Variants in AHI1 observed in about 807,000 individuals in gnomAD.
AHI1 encodes the protein jouberin.
Under a neutral mutation model 149.3 loss-of-function variants are expected in AHI1, and 123 were observed. The observed-to-expected ratio is 0.82, with a 90% CI of 0.71 to 0.96. The LOEUF is 0.96. Ranked by LOEUF, AHI1 falls within the 40% of genes least tolerant of loss-of-function variation. AHI1 has a pLI of 0.00. For synonymous variants in AHI1, 475 were observed against 459.8 expected (o/e 1.03, Z -0.42); for missense variants, 1,439 against 1,422.7 (o/e 1.01, Z -0.18).
intron 22 of AHI1, among the ~76,000 whole-genome samples, chr6:135,397,385 CA>C (rs1455801968): frequency 6.6e-6 from 1 of 151,976 alleles, no homozygotes; most frequent in Non-Finnish European, 1.5e-5. Flanking sequence ...GTCTACCCTA[CA>C]CCAATCTACC....
chr6:135,405,048 A>C lies in AHI1; in HGVS notation c.2962-71T>G. On this transcript the variant is annotated intron_variant, in intron 21 of 28. Coordinates refer to ENST00000265602, the MANE Select transcript of AHI1 (RefSeq NM_001134831.2). ...AATATTGACTGTTTGCAAAACACTC[A>C]GATGTTTATCTTCTAATAACCTAAA... 3.1e-6 allele frequency: 4 copies of C among 1,304,736 alleles called. No homozygotes were observed. The South Asian group carries it at 3.7e-5, about 12-fold the overall frequency. The allele number at this position is 1,304,736 out of a possible 1,614,324, so 80.8% of individuals were successfully genotyped here.
intron 27 of AHI1, among the ~76,000 whole-genome samples, chr6:135,290,925 C>A (rs771541524): frequency 2.6e-5 from 4 of 151,442 alleles, no homozygotes; most frequent in Non-Finnish European, 5.9e-5. Flanking sequence ...CACACACACA[C>A]ACACACACAC....
At chr6:135,326,263 G>A (rs939556097) in intron 24 of AHI1, among the ~76,000 whole-genome samples, 1 of 152,076 alleles carries the variant, frequency 6.6e-6, no homozygotes, top group Non-Finnish European at 1.5e-5. Context: ...CATAGGGGTG[G>A]GGCCTGGATT....
rs932616290 is a variant in AHI1, at chr6:135,497,724, G to A, written c.-343C>T. 5.8e-6 allele frequency: 1 copy of A among 171,286 alleles called. No homozygotes were observed. The highest frequency in any genetic ancestry group is 8.4e-5 in the South Asian group (1 of 11,934). 10.6% of individuals were successfully genotyped at this position (171,286 alleles called of 1,614,324 possible). Reference sequence around the variant, plus strand: ...CCCGCCAGCGACCCGTGTCCTGAAAGCAAGCCGCGGCTCTGTGCCGCAGTG... The same window carrying A: ...CCCGCCAGCGACCCGTGTCCTGAAAACAAGCCGCGGCTCTGTGCCGCAGTG... On this transcript the variant is annotated 5_prime_UTR_variant, in exon 1 of 29. Transcript: ENST00000265602.
At chr6:135,368,906 T>C (rs1582863971) in intron 23 of AHI1, among the ~76,000 whole-genome samples, 1 of 152,344 alleles carries the variant, frequency 6.6e-6, no homozygotes, top group Middle Eastern at 3.4e-3. Context: ...CACTCCTCAT[T>C]TGCTCCCTCC....
chr6:135,363,842 G>A (rs1284028519), intron 23 of AHI1, among the ~76,000 whole-genome samples: 16 of 149,838 alleles, frequency 1.1e-4, no homozygotes, highest in South Asian at 2.1e-4. Context: ...AGGCGCGGCC[G>A]GGCAGAGGCG....
chr6:135,313,297 C>A (rs140465083), intron 26 of AHI1, among the ~76,000 whole-genome samples: 8 of 152,306 alleles, frequency 5.3e-5, no homozygotes, highest in South Asian at 2.1e-4. Flanking sequence ...TACTCTAACA[C>A]GTGGATTCAG....
At chr6:135,346,554 T>A (rs1582727310) in intron 24 of AHI1, among the ~76,000 whole-genome samples, 1 of 152,158 alleles carries the variant, frequency 6.6e-6, no homozygotes, top group South Asian at 2.1e-4. Context: ...AGTCTAAGTA[T>A]GGATTATAAA....
At chr6:135,458,216 C>T (rs1415418674) in intron 8 of AHI1, among the ~76,000 whole-genome samples, 1 of 152,148 alleles carries the variant, frequency 6.6e-6, no homozygotes, top group Non-Finnish European at 1.5e-5. Flanking sequence ...AGTCAGAGGT[C>T]AGCTGATGGA....
At chr6:135,380,794 AT>A (rs1171390527) in intron 23 of AHI1, among the ~76,000 whole-genome samples, 157 of 140,334 alleles carry the variant, frequency 1.1e-3, no homozygotes, top group Non-Finnish European at 1.9e-3. Flanking sequence ...GGTGGAAAAC[AT>A]TTTTTGGTCC....
intron 24 of AHI1, among the ~76,000 whole-genome samples, chr6:135,333,297 TACAGAAGC>T (rs1374298176): frequency 6.6e-6 from 1 of 152,226 alleles, no homozygotes; most frequent in Admixed American, 6.5e-5. Context: ...TCCTGAATTG[TACAGAAGC>T]ACATTATTAA....
chr6:135,325,832 C>T lies in AHI1; in HGVS notation c.3166-2508G>A, dbSNP rs1787588215. ...CTTATTTGTCTGGAGCCCTAGGTGG[C>T]TGCTGGGAAGGATTCAGCTTAGGCA... On this transcript the variant is annotated intron_variant, in intron 24 of 28. Coordinates refer to ENST00000265602, the MANE Select transcript of AHI1 (RefSeq NM_001134831.2). Among the ~76,000 whole-genome samples, 3 of 152,160 alleles carry T rather than the reference C, an allele frequency of 2.0e-5. No homozygotes were observed. The South Asian group carries it at 6.2e-4, about 32-fold the overall frequency.
At position 135,403,665 on chromosome 6, in the gene AHI1, G is replaced by A. The variant is rs182117557; in HGVS notation, c.2988+1286C>T. Among the ~76,000 whole-genome samples the A allele has an allele frequency of 3.9e-5, 6 of 152,240 alleles. No individual in the cohort carries two copies. The East Asian group carries it at 1.2e-3, about 29-fold the overall frequency. On this transcript the variant is annotated intron_variant, in intron 22 of 28. Coordinates refer to ENST00000265602, the MANE Select transcript of AHI1 (RefSeq NM_001134831.2). ...GAAAATAAATTGTATTTTTGCCTCTGATTTTATACACAATGAGTACTTCAG... is the reference window on the plus strand; with the variant it reads ...GAAAATAAATTGTATTTTTGCCTCTAATTTTATACACAATGAGTACTTCAG...
At chr6:135,484,033 C>T (rs1372663996) in intron 5 of AHI1, among the ~76,000 whole-genome samples, 136 of 152,110 alleles carry the variant, frequency 8.9e-4, no homozygotes, top group African/African-American at 3.1e-3. Flanking sequence ...ATGGCTGTGG[C>T]CTCACAATCA....
intron 23 of AHI1, among the ~76,000 whole-genome samples, chr6:135,377,530 G>C (rs1488125516): frequency 6.6e-6 from 1 of 151,786 alleles, no homozygotes; most frequent in Non-Finnish European, 1.5e-5. Flanking sequence ...GCCCAGGATG[G>C]AGTGCAGCGG....
intron 23 of AHI1, chr6:135,394,529 GT>G: frequency 2.2e-6 from 1 of 450,994 alleles, no homozygotes; most frequent in Non-Finnish European, 4.0e-6. Flanking sequence ...AAACTCACGT[GT>G]TTTGCTAGTT....
At chr6:135,318,841 A>G (rs1395952166) in intron 25 of AHI1, among the ~76,000 whole-genome samples, 1 of 152,270 alleles carries the variant, frequency 6.6e-6, no homozygotes, top group Admixed American at 6.5e-5. Context: ...GATTTCAGAA[A>G]TGCAGAAGGT....
At chr6:135,458,816 T>C (rs1789398570) in intron 8 of AHI1, among the ~76,000 whole-genome samples, 1 of 152,116 alleles carries the variant, frequency 6.6e-6, no homozygotes, top group Non-Finnish European at 1.5e-5. Context: ...AATGGCTAAG[T>C]GGAAAAGCAC....
At chr6:135,446,518 G>A (rs1329211739) in intron 13 of AHI1, among the ~76,000 whole-genome samples, 1 of 152,166 alleles carries the variant, frequency 6.6e-6, no homozygotes, top group Non-Finnish European at 1.5e-5. Flanking sequence ...GTCTTTGGGA[G>A]GTAATTTGGT....
Sources: gnomAD v4.1 joint callset for allele counts (sites outside exome capture counted in the v4.1 genomes callset) on GRCh38, gnomAD v4.1.1 for gene constraint, MANE v1.5 for transcripts, NCBI Gene and HGNC (gene_info 2026-07-23, HGNC 2026-07-21) for gene names.